RIMKLA: variants seen among roughly 807,000 people sequenced by gnomAD.
RIMKLA encodes the protein N-acetylaspartylglutamate synthase A.
Under a neutral mutation model 32.7 loss-of-function variants are expected in RIMKLA, and 14 were observed. That is an observed-to-expected ratio of 0.43 (90% CI 0.28 to 0.67). RIMKLA has a LOEUF of 0.67. RIMKLA is among the 30% of genes least tolerant of loss of function. RIMKLA has a pLI of 0.18. For synonymous variants in RIMKLA, 176 were observed against 204.1 expected (o/e 0.86, Z 1.18); for missense variants, 410 against 519.0 (o/e 0.79, Z 2.04).
At chr1:42,404,214 G>T (rs1330842875) in intron 2 of RIMKLA, among the ~76,000 whole-genome samples, 1 of 152,124 alleles carries the variant, frequency 6.6e-6, no homozygotes, top group Non-Finnish European at 1.5e-5. Flanking sequence ...TATATCTTGG[G>T]GTTCCACCTA....
rs1570327479 is a variant in RIMKLA, at chr1:42,407,525, T to C, written c.482-2459T>C. 2.0e-5 allele frequency among the ~76,000 whole-genome samples: 3 copies of C among 152,218 alleles called. No homozygotes were observed. In the South Asian group the frequency reaches 6.2e-4, roughly 32 times the overall value. On this transcript the variant is annotated intron_variant, in intron 3 of 4. Transcript: ENST00000431473. ...GTATGGTATGAGGTAGGGGTTCAACTTGATTCTTTTGAATGTGGATATCCA... is the reference window on the plus strand; with the variant it reads ...GTATGGTATGAGGTAGGGGTTCAACCTGATTCTTTTGAATGTGGATATCCA...
At chr1:42,406,257 G>A (rs766444498) in intron 3 of RIMKLA, among the ~76,000 whole-genome samples, 5 of 152,096 alleles carry the variant, frequency 3.3e-5, no homozygotes, top group South Asian at 2.1e-4. Context: ...AGTGCAAAGC[G>A]TAAAATTCAC....
At position 42,415,489 on chromosome 1, in the gene RIMKLA, G is replaced by A. The variant is rs896301737; in HGVS notation, c.*515G>A. ...ATCACCATCTTGACCATATTTCTCC[G>A]ACACTCAGGATATGGTGTTTTAGGG... On this transcript the variant is annotated 3_prime_UTR_variant, in exon 5 of 5. Coordinates refer to ENST00000431473, the MANE Select transcript of RIMKLA (RefSeq NM_173642.4). The A allele has an allele frequency of 7.2e-5, 11 of 153,380 alleles. No individual in the cohort carries two copies. Among genetic ancestry groups the A allele is most frequent in the Admixed American group, 1.9e-4 (3 of 15,482 alleles). 9.5% of individuals were successfully genotyped at this position (153,380 alleles called of 1,614,324 possible).
At chr1:42,414,143 T>G (rs1219787950) in intron 4 of RIMKLA, among the ~76,000 whole-genome samples, 4 of 152,034 alleles carry the variant, frequency 2.6e-5, no homozygotes, top group Non-Finnish European at 4.4e-5. Flanking sequence ...CATTCAATAT[T>G]TATTGAATAT....
intron 1 of RIMKLA, among the ~76,000 whole-genome samples, chr1:42,398,138 G>A (rs1323655828): frequency 6.6e-6 from 1 of 152,164 alleles, no homozygotes. Context: ...CACTATTCTA[G>A]GTGCTGAGGA....
rs916931856 is a variant in RIMKLA at position 42,417,375 on chromosome 1, G to C, written c.*2401G>C. 3.3e-5 allele frequency: 5 copies of C among 152,322 alleles called. No homozygotes were observed. The East Asian group carries it at 9.7e-4, about 29-fold the overall frequency. 9.4% of individuals were successfully genotyped at this position (152,322 alleles called of 1,614,324 possible). A position where few individuals can be genotyped will look rare whatever the true frequency, so the allele number is the denominator to read the frequency against. On this transcript the variant is annotated 3_prime_UTR_variant, in exon 5 of 5. Transcript: ENST00000431473. ...GATTTCCCATACCATGCTGGCTGTG[G>C]GCTCTGTGAGCCTCAGCCAGGTGGC...
rs1643261334 is a variant in RIMKLA, at chr1:42,417,707, C to T, written c.*2733C>T. ...GCGTGGTGGTTCACGCCTGTAATCTCAGCACTTCGGGAGGCCGAGGCGGGT... is the reference window on the plus strand; with the variant it reads ...GCGTGGTGGTTCACGCCTGTAATCTTAGCACTTCGGGAGGCCGAGGCGGGT... On this transcript the variant is annotated 3_prime_UTR_variant, in exon 5 of 5. Transcript: ENST00000431473. 1 of 152,312 alleles carries T rather than the reference C, an allele frequency of 6.6e-6. No individual in the cohort carries two copies. The allele number at this position is 152,312 out of a possible 1,614,324, so 9.4% of individuals were successfully genotyped here. A position where few individuals can be genotyped will look rare whatever the true frequency, so the allele number is the denominator to read the frequency against.
At chr1:42,400,170 C>T (rs1291947108) in intron 2 of RIMKLA, among the ~76,000 whole-genome samples, 1 of 152,094 alleles carries the variant, frequency 6.6e-6, no homozygotes, top group Non-Finnish European at 1.5e-5. Context: ...GGGAGAGACA[C>T]CCTGACCTGT....
At chr1:42,410,607 C>T (rs1570329644) in intron 4 of RIMKLA, among the ~76,000 whole-genome samples, 1 of 152,160 alleles carries the variant, frequency 6.6e-6, no homozygotes, top group African/African-American at 2.4e-5. Context: ...AATATATTTT[C>T]CTTTTATATT....
chr1:42,415,080 A>T lies in RIMKLA; in HGVS notation c.*106A>T. 8.0e-7 allele frequency: 1 copy of T among 1,254,712 alleles called. No individual in the cohort carries two copies. The highest frequency in any genetic ancestry group is 1.1e-6 in the Non-Finnish European group (1 of 911,720). The allele number at this position is 1,254,712 out of a possible 1,614,324, so 77.7% of individuals were successfully genotyped here. On this transcript the variant is annotated 3_prime_UTR_variant, in exon 5 of 5. Coordinates refer to ENST00000431473, the MANE Select transcript of RIMKLA (RefSeq NM_173642.4). Reference sequence around the variant, plus strand: ...GATTTCATTTGCACAGAAACTAGAAATCCCATCTGGGCACTCAGCATTTTT... The same window carrying T: ...GATTTCATTTGCACAGAAACTAGAATTCCCATCTGGGCACTCAGCATTTTT...
chr1:42,388,809 C>A (rs1490068823), intron 1 of RIMKLA, among the ~76,000 whole-genome samples: 1 of 152,176 alleles, frequency 6.6e-6, no homozygotes. Flanking sequence ...AGCTACTGTG[C>A]CTGGCCTCCA....
chr1:42,381,485 A>G (rs1642888684), intron 1 of RIMKLA, among the ~76,000 whole-genome samples: 1 of 152,232 alleles, frequency 6.6e-6, no homozygotes, highest in Non-Finnish European at 1.5e-5. Context: ...CACCAGATTT[A>G]CAAAATTACT....
rs777027519 is a variant in RIMKLA at position 42,385,838 on chromosome 1, T to TTCTCTCTC, written c.163+4744_163+4745insCTCTCTCT. On this transcript the variant is annotated intron_variant, in intron 1 of 4. Coordinates refer to ENST00000431473, the MANE Select transcript of RIMKLA (RefSeq NM_173642.4). ...TTCCTTCCTTCCTTCCTTTCTTTCT[T>TTCTCTCTC]TCTTTCTCTTTCTTTCTTTCTTTCT... Among the ~76,000 whole-genome samples, 8 of 69,490 alleles carry TTCTCTCTC rather than the reference T, an allele frequency of 1.2e-4. 3 individuals are homozygous for TTCTCTCTC. The highest frequency in any genetic ancestry group is 2.9e-4 in the Admixed American group (2 of 6,786). The allele number at this position is 69,490 out of a possible 152,430, so 45.6% of individuals were successfully genotyped here.
rs933086859 is a variant in RIMKLA, at chr1:42,419,687, A to G, written c.*4713A>G. 9.2e-5 allele frequency: 14 copies of G among 152,126 alleles called. No homozygotes were observed. The highest frequency in any genetic ancestry group is 3.1e-4 in the African/African-American group (13 of 41,390). 9.4% of individuals were successfully genotyped at this position (152,126 alleles called of 1,614,324 possible). On this transcript the variant is annotated 3_prime_UTR_variant, in exon 5 of 5. Coordinates refer to ENST00000431473, the MANE Select transcript of RIMKLA (RefSeq NM_173642.4). ...ATGTGCCAGCTGTCAAGGGTTCAGC[A>G]CTTGGATGGCTTCTAGGTGAGAGCC...
chr1:42,405,484 C>T (rs538515892), intron 3 of RIMKLA, among the ~76,000 whole-genome samples: 1 of 152,234 alleles, frequency 6.6e-6, no homozygotes, highest in South Asian at 2.1e-4. Flanking sequence ...GAGCAGGTGC[C>T]TCATCGGGAT....
chr1:42,423,559 G>A lies in RIMKLA; in HGVS notation c.*8585G>A, dbSNP rs1488836617. Among the ~76,000 whole-genome samples the A allele has an allele frequency of 6.6e-6, 1 of 152,166 alleles. No homozygotes were observed. The highest frequency in any genetic ancestry group is 2.1e-4 in the South Asian group (1 of 4,830). ...CTGATGGCTTCCCTACCCTCTTGACGGTGGCTCTGGCAGAAACCATGCTGC... is the reference window on the plus strand; with the variant it reads ...CTGATGGCTTCCCTACCCTCTTGACAGTGGCTCTGGCAGAAACCATGCTGC... On this transcript the variant is annotated 3_prime_UTR_variant, in exon 5 of 5. Transcript: ENST00000431473.
rs745599494 is a variant in RIMKLA at position 42,423,056 on chromosome 1, A to C, written c.*8082A>C. ...AGGACTTGTGTTTGCCTGACATTTC[A>C]AGAGGCTTCCTGGGAGAAGCGGTGA... is the stretch of plus-strand genomic sequence containing the variant. On this transcript the variant is annotated 3_prime_UTR_variant, in exon 5 of 5. Coordinates refer to ENST00000431473, the MANE Select transcript of RIMKLA (RefSeq NM_173642.4). Among the ~76,000 whole-genome samples the C allele has an allele frequency of 4.5e-4, 68 of 152,154 alleles. No homozygotes were observed. Among genetic ancestry groups the C allele is most frequent in the Non-Finnish European group, 8.2e-4 (56 of 68,026 alleles).
intron 3 of RIMKLA, among the ~76,000 whole-genome samples, chr1:42,408,888 G>C (rs1643171604): frequency 6.6e-6 from 1 of 152,056 alleles, no homozygotes; most frequent in Non-Finnish European, 1.5e-5. Flanking sequence ...CCTCTGCTCA[G>C]GTCTGTTAAC....
chr1:42,400,958 T>C (rs1643091780), intron 2 of RIMKLA, among the ~76,000 whole-genome samples: 1 of 152,120 alleles, frequency 6.6e-6, no homozygotes. Flanking sequence ...AACACCAACA[T>C]TTTTTTAAAA....
Sources: allele counts gnomAD v4.1 joint callset (sites outside exome capture counted in the v4.1 genomes callset), GRCh38; gene constraint gnomAD v4.1.1; transcripts MANE v1.5; gene names NCBI Gene and HGNC (gene_info 2026-07-23, HGNC 2026-07-21).